Variants in ATP11C observed in about 807,000 individuals in gnomAD.
The protein encoded by ATP11C is phospholipid-transporting ATPase IG.
A neutral mutation model predicts 97.4 loss-of-function variants in ATP11C; 36 were observed. That is an observed-to-expected ratio of 0.37 (90% CI 0.28 to 0.49). ATP11C has a LOEUF of 0.49. ATP11C is among the 20% of genes least tolerant of loss of function. ATP11C has a pLI of 0.98. For missense variants in ATP11C, 730 were observed against 824.6 expected, an observed-to-expected ratio of 0.89 and a Z score of 1.40; for synonymous variants, 275 against 290.9, an observed-to-expected ratio of 0.95 and a Z score of 0.56.
At position 139,868,067 on chromosome X, in the gene ATP11C, A is replaced by G. The variant is rs1290299170; in HGVS notation, c.28-41244T>C. On this transcript the variant is annotated intron_variant, in intron 1 of 29. Transcript: ENST00000682941. Reference sequence around the variant, plus strand: ...ACCAGATTTATGAGTGGAGATGATAATGAGCTGTTTTGGACACACTGCATA... The same window carrying G: ...ACCAGATTTATGAGTGGAGATGATAGTGAGCTGTTTTGGACACACTGCATA... 3.6e-5 allele frequency among the ~76,000 whole-genome samples: 4 copies of G among 112,135 alleles called. No homozygotes were observed. In the East Asian group the frequency reaches 1.1e-3, roughly 31 times the overall value.
chrX:139,814,580 A>T (rs1603383802), intron 5 of ATP11C, among the ~76,000 whole-genome samples: 1 of 112,025 alleles, frequency 8.9e-6, no homozygotes, highest in South Asian at 3.7e-4. Context: ...ATGAACCTCA[A>T]AAACATTCTG....
chrX:139,886,584 CAA>C (rs144833892), intron 1 of ATP11C, among the ~76,000 whole-genome samples: 35 of 34,859 alleles, frequency 1.0e-3, no homozygotes, highest in African/African-American at 1.9e-3. Flanking sequence ...GACTCCATCT[CAA>C]AAAAAAAAAA....
At chrX:139,786,908 A>G (rs1249149013) in intron 15 of ATP11C, among the ~76,000 whole-genome samples, 1 of 112,189 alleles carries the variant, frequency 8.9e-6, no homozygotes, top group Non-Finnish European at 1.9e-5. Context: ...AATGGCATCT[A>G]AATTTGAGAA....
chrX:139,746,678 T>C (rs1363042183), intron 24 of ATP11C, among the ~76,000 whole-genome samples: 1 of 111,577 alleles, frequency 9.0e-6, no homozygotes, highest in Admixed American at 9.5e-5. Flanking sequence ...CTTTGATAAA[T>C]GGGAGGTGGA....
At chrX:139,926,077 T>C (rs1255100958) in intron 1 of ATP11C, among the ~76,000 whole-genome samples, 1 of 111,221 alleles carries the variant, frequency 9.0e-6, no homozygotes, top group Non-Finnish European at 1.9e-5. Flanking sequence ...TGCCAGTATG[T>C]TTTGTTTTAC....
upstream of ATP11C, among the ~76,000 whole-genome samples, chrX:139,933,260 G>T (rs2085475947): frequency 9.0e-6 from 1 of 111,106 alleles, no homozygotes; most frequent in South Asian, 3.8e-4. Context: ...AAGGAAGCGC[G>T]GGCTGAACAG....
intron 1 of ATP11C, among the ~76,000 whole-genome samples, chrX:139,914,019 A>G (rs753323523): frequency 8.9e-6 from 1 of 112,045 alleles, no homozygotes; most frequent in East Asian, 2.8e-4. Flanking sequence ...AAAATAGTCA[A>G]AAGATTCGCT....
In ATP11C at chrX:139,796,312, G is replaced by C. The variant is rs765595588; in HGVS notation, c.1167C>G (p.Ala389=). 8.3e-7 allele frequency: 1 copy of C among 1,206,542 alleles called. No homozygotes were observed. The highest frequency in any genetic ancestry group is 2.2e-5 in the Admixed American group (1 of 45,544). The change falls in exon 12 of 30, where the codon GCC becomes GCG. Residue 389 remains alanine (A), a synonymous_variant. Coordinates refer to ENST00000682941, the MANE Select transcript of ATP11C (RefSeq NM_001353812.2). ...DFYDEEINEG[A]LVNTSDLNEE... Reference sequence around the variant, plus strand: ...CATTAAGGTCTGATGTGTTAACCAGGGCTCCTTCATTAATTTCTTCATCAT... The same window carrying C: ...CATTAAGGTCTGATGTGTTAACCAGCGCTCCTTCATTAATTTCTTCATCAT...
At chrX:139,892,868 G>C (rs959014855) in intron 1 of ATP11C, among the ~76,000 whole-genome samples, 6 of 112,051 alleles carry the variant, frequency 5.4e-5, no homozygotes, top group Non-Finnish European at 7.5e-5. Flanking sequence ...CACGTAGACA[G>C]AGAAGCCAAC....
chrX:139,753,530 C>T (rs189183476), intron 23 of ATP11C, among the ~76,000 whole-genome samples: 12 of 111,911 alleles, frequency 1.1e-4, no homozygotes, highest in East Asian at 5.6e-4. Flanking sequence ...AAAAGAGGGC[C>T]GGGCACAGTG....
intron 24 of ATP11C, 78 bp from the exon 25 acceptor site, chrX:139,745,935 G>A (rs1187562628): frequency 2.2e-5 from 23 of 1,065,947 alleles, no homozygotes; most frequent in Non-Finnish European, 2.8e-5. Flanking sequence ...AGGTGGGCGT[G>A]GAATTTGACC....
rs757213577 is a variant in ATP11C, at chrX:139,788,324, A to G, written c.1388T>C (p.Leu463Pro). The G allele has an allele frequency of 8.3e-7, 1 of 1,206,650 alleles. No homozygotes were observed. The highest frequency in any genetic ancestry group is 1.8e-5 in the South Asian group (1 of 55,958). The change falls in exon 14 of 30, where the codon CTA becomes CCA. Residue 463 changes from leucine to proline, a missense_variant. Coordinates refer to ENST00000682941, the MANE Select transcript of ATP11C (RefSeq NM_001353812.2). ...KVDKNREELF[L>P]RALCLCHTVE... ...AGTATGACATAAACACAAGGCACGT[A>G]GAAACAGCTCTTCTCGATTCTGTGG...
At chrX:139,877,612 C>T (rs1015329423) in intron 1 of ATP11C, among the ~76,000 whole-genome samples, 2 of 111,971 alleles carry the variant, frequency 1.8e-5, no homozygotes, top group African/African-American at 3.2e-5. Flanking sequence ...ACTTGCGTCC[C>T]AGTGCGGCAG....
intron 8 of ATP11C, among the ~76,000 whole-genome samples, chrX:139,799,840 T>C (rs1380990949): frequency 9.2e-6 from 1 of 108,631 alleles, no homozygotes; most frequent in Non-Finnish European, 1.9e-5. Flanking sequence ...TTAATAGAGA[T>C]TGGGTTTCAC....
At chrX:139,777,225 G>T (rs1434639430) in intron 18 of ATP11C, among the ~76,000 whole-genome samples, 1 of 110,240 alleles carries the variant, frequency 9.1e-6, no homozygotes, top group Non-Finnish European at 1.9e-5. Flanking sequence ...TCAAAATATG[G>T]ATTGCAAGGC....
chrX:139,889,226 T>C (rs963695180), intron 1 of ATP11C, among the ~76,000 whole-genome samples: 1 of 112,139 alleles, frequency 8.9e-6, no homozygotes, highest in Non-Finnish European at 1.9e-5. Flanking sequence ...TTTAATGGAA[T>C]TCTACTCAGC....
chrX:139,921,761 G>A lies in ATP11C; in HGVS notation c.27+10255C>T, dbSNP rs1335873250. On this transcript the variant is annotated intron_variant, in intron 1 of 29. Coordinates refer to ENST00000682941, the MANE Select transcript of ATP11C (RefSeq NM_001353812.2). ...ACTCAAGAAAATGAACTGCCATCCTGTCTCCCATGTGTAGTGAAAGTTACC... is the reference window on the plus strand; with the variant it reads ...ACTCAAGAAAATGAACTGCCATCCTATCTCCCATGTGTAGTGAAAGTTACC... 8.1e-5 allele frequency among the ~76,000 whole-genome samples: 9 copies of A among 111,482 alleles called. No individual in the cohort carries two copies. In the Admixed American group the frequency reaches 8.6e-4, roughly 11 times the overall value.
intron 12 of ATP11C, among the ~76,000 whole-genome samples, chrX:139,792,911 C>G (rs1419968098): frequency 8.9e-6 from 1 of 111,984 alleles, no homozygotes; most frequent in Non-Finnish European, 1.9e-5. Context: ...GCTGCTCTAG[C>G]AAGTTAATCA....
chrX:139,799,306 T>C (rs1156795374), intron 8 of ATP11C, among the ~76,000 whole-genome samples: 3 of 111,681 alleles, frequency 2.7e-5, no homozygotes, highest in African/African-American at 9.8e-5. Flanking sequence ...TGAAGGCTGA[T>C]ACATACAATT....
Sources: gnomAD v4.1 joint callset for allele counts (sites outside exome capture counted in the v4.1 genomes callset) on GRCh38, gnomAD v4.1.1 for gene constraint, MANE v1.5 for transcripts, NCBI Gene and HGNC (gene_info 2026-07-23, HGNC 2026-07-21) for gene names.